Variants in SP100 observed in about 807,000 individuals in gnomAD.
The protein encoded by SP100 is nuclear autoantigen Sp-100.
SP100 carries 84 observed loss-of-function variants against 130.0 expected under a neutral mutation model. That is an observed-to-expected ratio of 0.65 (90% confidence interval 0.54 to 0.77). SP100 has a LOEUF of 0.77. Among genes scored for constraint, SP100 ranks in the 30% least tolerant of loss-of-function variants. The pLI, the probability that SP100 is intolerant of heterozygous loss-of-function variation, is 0.00. For missense variants in SP100, 978 were observed against 1,052.2 expected (o/e 0.93, Z 0.97); for synonymous variants, 331 against 351.7 (o/e 0.94, Z 0.66).
chr2:230,535,378 A>G (rs1017484393), intron 24 of SP100, among the ~76,000 whole-genome samples: 1 of 152,208 alleles, frequency 6.6e-6, no homozygotes, highest in African/African-American at 2.4e-5. Context: ...TTACTAACCT[A>G]ATATGAAGCA....
chr2:230,450,096 G>T, intron 7 of SP100, 76 bp from the exon 8 acceptor site: 1 of 972,046 alleles, frequency 1.0e-6, no homozygotes, highest in Non-Finnish European at 1.6e-6. Flanking sequence ...GGAGAAGCAG[G>T]GTGAGGTCTA....
intron 16 of SP100, 37 bp from the exon 17 acceptor site, chr2:230,474,357 A>G: frequency 8.7e-7 from 1 of 1,155,160 alleles, no homozygotes; most frequent in African/African-American, 1.6e-5. Context: ...TTTACTTATA[A>G]ATTACAGTTC....
intron 16 of SP100, among the ~76,000 whole-genome samples, chr2:230,473,695 C>T (rs2065389938): frequency 6.6e-6 from 1 of 152,160 alleles, no homozygotes; most frequent in Non-Finnish European, 1.5e-5. Context: ...CTGTTCTCTA[C>T]ATTTGCTTAA....
chr2:230,428,003 G>T (rs921040056), intron 2 of SP100, among the ~76,000 whole-genome samples: 1 of 152,158 alleles, frequency 6.6e-6, no homozygotes, highest in Non-Finnish European at 1.5e-5. Flanking sequence ...GGCCGAGGTG[G>T]GTGGATCACT....
intron 17 of SP100, among the ~76,000 whole-genome samples, chr2:230,484,368 G>C (rs2065968465): frequency 6.6e-6 from 1 of 152,166 alleles, no homozygotes; most frequent in Admixed American, 6.5e-5. Flanking sequence ...TTGCAGATTT[G>C]GAATCTGTGA....
At position 230,449,057 on chromosome 2, in the gene SP100, CTGAAATAAACT is replaced by C; in HGVS notation, c.524-29_524-19del. 1 of 1,361,148 alleles carries C rather than the reference CTGAAATAAACT, an allele frequency of 7.3e-7. No homozygotes were observed. Among genetic ancestry groups the C allele is most frequent in the Non-Finnish European group, 1.1e-6 (1 of 948,970 alleles). 84.3% of individuals were successfully genotyped at this position (1,361,148 alleles called of 1,614,324 possible). On this transcript the variant is annotated intron_variant, in intron 5 of 28. Transcript: ENST00000340126. Reference sequence around the variant, plus strand: ...AATGGCAAAATCCATACCTCGATTTCTGAAATAAACTTCTAATTTCTTCCTGCCAGGAACTG... The same window carrying C: ...AATGGCAAAATCCATACCTCGATTTCTCTAATTTCTTCCTGCCAGGAACTG...
chr2:230,520,427 G>C (rs1209597810), intron 24 of SP100, among the ~76,000 whole-genome samples: 1 of 152,076 alleles, frequency 6.6e-6, no homozygotes, highest in Non-Finnish European at 1.5e-5. Flanking sequence ...ACCGCCCTAG[G>C]ATTCAACAAA....
chr2:230,438,658 C>T lies in SP100; in HGVS notation c.108-4279C>T, dbSNP rs796099560. Among the ~76,000 whole-genome samples, 1,349 of 146,166 alleles carry T rather than the reference C, an allele frequency of 9.2e-3. 25 individuals are homozygous for T. Among genetic ancestry groups the T allele is most frequent in the African/African-American group, 0.034 (1,261 of 36,654 alleles). On this transcript the variant is annotated intron_variant, in intron 2 of 28. Coordinates refer to ENST00000340126, the MANE Select transcript of SP100 (RefSeq NM_001080391.2). ...CATGGTGTATATATATACACACACA[C>T]ACACACACACACACACACACACACA...
intron 19 of SP100, among the ~76,000 whole-genome samples, chr2:230,500,407 A>G (rs1236389702): frequency 6.6e-6 from 1 of 152,194 alleles, no homozygotes; most frequent in East Asian, 1.9e-4. Context: ...GAAGCAGCGC[A>G]ATGAGCTTCT....
intron 14 of SP100, 170 bp from the exon 15 acceptor site, chr2:230,469,845 C>A: frequency 6.6e-7 from 1 of 1,504,288 alleles, no homozygotes; most frequent in Non-Finnish European, 8.9e-7. Context: ...GCTCCTGGAG[C>A]AATCTTGACC....
intron 24 of SP100, among the ~76,000 whole-genome samples, chr2:230,527,541 C>T (rs1691488271): frequency 6.6e-6 from 1 of 152,186 alleles, no homozygotes; most frequent in African/African-American, 2.4e-5. Flanking sequence ...AACCAGCTAA[C>T]ATCATAATGA....
At chr2:230,457,738 G>T (rs2064356286) in intron 8 of SP100, among the ~76,000 whole-genome samples, 1 of 152,142 alleles carries the variant, frequency 6.6e-6, no homozygotes, top group Admixed American at 6.5e-5. Context: ...CTCAGCTCTT[G>T]CAAAGGTATT....
intron 2 of SP100, among the ~76,000 whole-genome samples, chr2:230,430,775 A>C (rs2063075368): frequency 6.6e-6 from 1 of 152,112 alleles, no homozygotes. Flanking sequence ...CACCATTGAG[A>C]GAGGTCATTG....
chr2:230,510,111 C>G (rs892037773), intron 23 of SP100: 45 of 152,760 alleles, frequency 2.9e-4, no homozygotes, highest in African/African-American at 9.6e-4. Context: ...ATATGGCCAC[C>G]TCTTCTATCA....
chr2:230,532,812 G>A (rs1045980057), intron 24 of SP100, among the ~76,000 whole-genome samples: 6 of 151,790 alleles, frequency 4.0e-5, no homozygotes, highest in Non-Finnish European at 8.8e-5. Flanking sequence ...ACGTAGTCTC[G>A]CTCTTTCACC....
chr2:230,507,739 G>A (rs1690230083), intron 22 of SP100, among the ~76,000 whole-genome samples: 3 of 152,190 alleles, frequency 2.0e-5, no homozygotes, highest in Non-Finnish European at 2.9e-5. Flanking sequence ...GCTCCACAAT[G>A]TGTCAAGAAG....
chr2:230,489,081 G>A (rs1164395061), intron 17 of SP100, among the ~76,000 whole-genome samples: 1 of 152,162 alleles, frequency 6.6e-6, no homozygotes, highest in Non-Finnish European at 1.5e-5. Flanking sequence ...GTTTGGAATA[G>A]TTTCAGAAGG....
intron 10 of SP100, chr2:230,463,821 A>T (rs1575662206): frequency 3.4e-6 from 1 of 294,648 alleles, no homozygotes. Context: ...AGAAGGGATA[A>T]GAAGTAAAAG....
At chr2:230,436,987 T>C (rs74499304) in intron 2 of SP100, among the ~76,000 whole-genome samples, 18,441 of 120,584 alleles carry the variant, frequency 0.15, 1,484 homozygotes, top group Non-Finnish European at 0.19. Context: ...TACACACACA[T>C]ATATATGTGT....
Sources: gnomAD v4.1 joint callset for allele counts (sites outside exome capture counted in the v4.1 genomes callset) on GRCh38, gnomAD v4.1.1 for gene constraint, MANE v1.5 for transcripts, NCBI Gene and HGNC (gene_info 2026-07-23, HGNC 2026-07-21) for gene names.